The following SH3GL1 variants were observed in gnomAD, a reference collection of about 807,000 sequenced individuals.
SH3GL1 encodes the protein SH3 domain containing GRB2 like 1, endophilin A2.
A neutral mutation model predicts 48.8 loss-of-function variants in SH3GL1; 21 were observed. The observed-to-expected ratio is 0.43, with a 90% CI of 0.30 to 0.62. The LOEUF (loss-of-function observed/expected upper bound fraction) is 0.62, where lower values mean the gene tolerates loss of function less well. Ranked by LOEUF, SH3GL1 falls within the 20% of genes least tolerant of loss-of-function variation. The probability of loss-of-function intolerance (pLI) is 0.11; values close to 1 mark genes in which losing one functional copy is unlikely to be tolerated. For synonymous variants in SH3GL1, 282 were observed against 217.5 expected (o/e 1.30, Z -2.61); for missense variants, 454 against 503.0 (o/e 0.90, Z 0.93).
intron 1 of SH3GL1, among the ~76,000 whole-genome samples, chr19:4,384,477 T>C (rs575439182): frequency 6.6e-6 from 1 of 152,222 alleles, no homozygotes; most frequent in Non-Finnish European, 1.5e-5. Flanking sequence ...GCTGAAAACC[T>C]ATGTGGCTAT....
rs1419826633 is a variant in SH3GL1, at chr19:4,361,769, G to GCCTTGCAGCT, written c.928_937dup (p.Ala313GlufsTer20). 7 of 1,610,698 alleles carry GCCTTGCAGCT rather than the reference G, an allele frequency of 4.3e-6. No homozygotes were observed. Among genetic ancestry groups the GCCTTGCAGCT allele is most frequent in the African/African-American group, 2.7e-5 (2 of 74,936 alleles). ...GTTCTCGGGCTCGAAGTCGTACAGC[G>GCCTTGCAGCT]CCTTGCAGCTCGGCTGGTCCAGGGG... On this transcript the variant is annotated frameshift_variant, in exon 10 of 10. Coordinates refer to ENST00000269886, the MANE Select transcript of SH3GL1 (RefSeq NM_003025.4). LOFTEE classifies it high-confidence loss of function.
At chr19:4,398,064 C>G (rs1260055574) in intron 1 of SH3GL1, among the ~76,000 whole-genome samples, 4 of 151,990 alleles carry the variant, frequency 2.6e-5, no homozygotes, top group Non-Finnish European at 5.9e-5. Flanking sequence ...CCAGGCTGGT[C>G]TTGAACTCCT....
At chr19:4,364,447 C>CT in intron 4 of SH3GL1, 1 of 564,866 alleles carries the variant, frequency 1.8e-6, no homozygotes, top group South Asian at 2.0e-5. Flanking sequence ...TTTCCAACTT[C>CT]TTTGAGATGA....
intron 1 of SH3GL1, among the ~76,000 whole-genome samples, chr19:4,378,399 G>A (rs1401835373): frequency 1.3e-5 from 2 of 152,046 alleles, no homozygotes; most frequent in Non-Finnish European, 2.9e-5. Flanking sequence ...AACCATCTCA[G>A]GCGTGGATGT....
intron 8 of SH3GL1, 87 bp downstream of exon 8, chr19:4,362,525 G>A: frequency 1.9e-6 from 3 of 1,594,618 alleles, no homozygotes; most frequent in Non-Finnish European, 2.6e-6. Context: ...CAGGAGTCTG[G>A]CGCTCAGAGA....
intron 1 of SH3GL1, among the ~76,000 whole-genome samples, chr19:4,378,018 G>C (rs1489135155): frequency 6.6e-6 from 1 of 152,072 alleles, no homozygotes; most frequent in African/African-American, 2.4e-5. Flanking sequence ...GGCTCTCGTC[G>C]CCAACCCACC....
chr19:4,399,942 G>C (rs1385056690), intron 1 of SH3GL1, among the ~76,000 whole-genome samples: 2 of 152,200 alleles, frequency 1.3e-5, no homozygotes, highest in Non-Finnish European at 2.9e-5. Context: ...AACTGCTCTA[G>C]ACGCAACTTT....
At position 4,369,968 on chromosome 19, in the gene SH3GL1, G is replaced by A. The variant is rs778917338; in HGVS notation, c.46-2974C>T. Among the ~76,000 whole-genome samples, 10 of 152,376 alleles carry A rather than the reference G, an allele frequency of 6.6e-5. No individual in the cohort carries two copies. In the East Asian group the frequency reaches 7.7e-4, roughly 12 times the overall value. On this transcript the variant is annotated intron_variant, in intron 1 of 9. Transcript: ENST00000269886. ...AGGCAGCCGGGCCACGTGCAGCGCC[G>A]GCCGCAAGCGCGGAAACCAAGCGTG...
intron 1 of SH3GL1, among the ~76,000 whole-genome samples, chr19:4,382,252 T>TC (rs1973148962): frequency 8.3e-6 from 1 of 120,324 alleles, no homozygotes; most frequent in Non-Finnish European, 1.9e-5. Context: ...TGCTCCGCTT[T>TC]CTTTTTTTTT....
chr19:4,370,202 T>C (rs980370761), intron 1 of SH3GL1, among the ~76,000 whole-genome samples: 9 of 152,148 alleles, frequency 5.9e-5, no homozygotes, highest in African/African-American at 2.2e-4. Context: ...CCAGCCCCAA[T>C]GCCCCCGCAT....
chr19:4,398,816 T>A (rs1467391441), intron 1 of SH3GL1, among the ~76,000 whole-genome samples: 1 of 152,176 alleles, frequency 6.6e-6, no homozygotes, highest in African/African-American at 2.4e-5. Context: ...TCTGTCCATA[T>A]CAAATGCACT....
In SH3GL1 at chr19:4,362,809, G is replaced by T. The variant is rs979350496; in HGVS notation, c.729-73C>A. The T allele has an allele frequency of 9.3e-6, 15 of 1,605,252 alleles. No individual in the cohort carries two copies. The African/African-American group carries it at 1.9e-4, about 20-fold the overall frequency. ...GCAGCCCCACTCTTGTATTTATGCT[G>T]CTGCCTAATGACCTGGCCTGGGACT... On this transcript the variant is annotated intron_variant, in intron 7 of 9. Transcript: ENST00000269886.
chr19:4,386,099 C>T (rs550543554), intron 1 of SH3GL1, among the ~76,000 whole-genome samples: 7 of 152,346 alleles, frequency 4.6e-5, no homozygotes, highest in Admixed American at 4.6e-4. Context: ...GAAATTCCAA[C>T]CAGGTCCCTG....
At chr19:4,364,424 C>A (rs1972715012) in intron 4 of SH3GL1, 2 of 607,514 alleles carry the variant, frequency 3.3e-6, no homozygotes, top group African/African-American at 1.8e-5. Context: ...CGTTCACCCC[C>A]ACACCTGGAT....
intron 9 of SH3GL1, 103 bp downstream of exon 9, chr19:4,362,226 C>T (rs1972637413): frequency 9.8e-6 from 12 of 1,227,656 alleles, no homozygotes; most frequent in Non-Finnish European, 1.4e-5. Flanking sequence ...AGCCTGGCCC[C>T]TCCCTGCTTG....
intron 4 of SH3GL1, 200 bp from the exon 5 acceptor site, chr19:4,364,421 C>T: frequency 3.3e-6 from 2 of 613,286 alleles, no homozygotes; most frequent in Non-Finnish European, 5.7e-6. Context: ...AGGCGTTCAC[C>T]CCCACACCTG....
At chr19:4,379,738 C>G (rs1415354941) in intron 1 of SH3GL1, among the ~76,000 whole-genome samples, 1 of 152,110 alleles carries the variant, frequency 6.6e-6, no homozygotes, top group African/African-American at 2.4e-5. Context: ...TGTGCATGGG[C>G]GAGCCTGTGG....
intron 1 of SH3GL1, among the ~76,000 whole-genome samples, chr19:4,399,320 A>AG (rs1311188791): frequency 2.4e-4 from 2 of 8,510 alleles, no homozygotes; most frequent in Non-Finnish European, 4.8e-4. Flanking sequence ...ACTCCCTCTC[A>AG]AAAAAAAAAA....
chr19:4,399,319 C>CAAAAACA, intron 1 of SH3GL1, among the ~76,000 whole-genome samples: 1 of 49,626 alleles, frequency 2.0e-5, no homozygotes, highest in Non-Finnish European at 3.5e-5. Context: ...GACTCCCTCT[C>CAAAAACA]AAAAAAAAAA....
Sources: gnomAD v4.1 joint callset for allele counts (sites outside exome capture counted in the v4.1 genomes callset) on GRCh38, gnomAD v4.1.1 for gene constraint, MANE v1.5 for transcripts, NCBI Gene and HGNC (gene_info 2026-07-23, HGNC 2026-07-21) for gene names.